RNF216: variants seen among roughly 807,000 people sequenced by gnomAD.
RNF216 encodes ring finger protein 216.
In RNF216, 72 loss-of-function variants were observed where a neutral mutation model predicts 110.8. The ratio of observed to expected loss-of-function variants is 0.65; its 90% CI spans 0.54 to 0.79. The LOEUF is 0.79. Among genes scored for constraint, RNF216 ranks in the 30% least tolerant of loss-of-function variants. RNF216 has a pLI of 0.00. For missense variants in RNF216, 1,342 were observed against 1,141.2 expected, an observed-to-expected ratio of 1.18 and a Z score of -2.54; for synonymous variants, 495 against 407.5, an observed-to-expected ratio of 1.21 and a Z score of -2.59.
intron 5 of RNF216, among the ~76,000 whole-genome samples, chr7:5,732,489 T>C (rs1794151161): frequency 6.6e-6 from 1 of 152,236 alleles, no homozygotes; most frequent in Non-Finnish European, 1.5e-5. Flanking sequence ...CTCTCCCCAA[T>C]TCATTTTATA....
At chr7:5,649,575 T>C (rs868727182) in intron 14 of RNF216, 8 of 151,898 alleles carry the variant, frequency 5.3e-5, no homozygotes, top group Admixed American at 3.3e-4. Context: ...AGAGGGGCTA[T>C]ATGATAAGGA....
chr7:5,635,964 T>C (rs967176223), intron 15 of RNF216, among the ~76,000 whole-genome samples: 3 of 152,236 alleles, frequency 2.0e-5, no homozygotes, highest in Non-Finnish European at 4.4e-5. Context: ...AAAGACACTG[T>C]AGAAAACAAT....
At chr7:5,779,304 G>A (rs1319042027) in intron 1 of RNF216, among the ~76,000 whole-genome samples, 4 of 152,080 alleles carry the variant, frequency 2.6e-5, no homozygotes, top group Non-Finnish European at 5.9e-5. Flanking sequence ...AGCTGCTGCT[G>A]CTCTAATCAG....
rs757300405 is a variant in RNF216 at position 5,641,340 on chromosome 7, G to A, written c.2196C>T (p.Cys732=). 3.7e-6 allele frequency: 6 copies of A among 1,614,136 alleles called. No individual in the cohort carries two copies. Among genetic ancestry groups the A allele is most frequent in the Non-Finnish European group, 4.2e-6 (5 of 1,180,010 alleles). ...TGATGAGGCCAGTCCCACACTTGTG[G>A]CATTTTCTAATGCGGGCAGCAGTCA... ...EKMTAARIRK[C]HKCGTGLIKS... The change falls in exon 15 of 17, where the codon TGC becomes TGT. Residue 732 remains cysteine (C), a synonymous_variant. Coordinates refer to ENST00000389902, the MANE Select transcript of RNF216 (RefSeq NM_207111.4).
intron 14 of RNF216, among the ~76,000 whole-genome samples, chr7:5,643,169 T>C (rs545607459): frequency 5.9e-5 from 9 of 152,284 alleles, no homozygotes; most frequent in South Asian, 2.1e-4. Context: ...CTATTCAATA[T>C]TGCTGAAATG....
At chr7:5,722,660 G>C (rs974811115) in intron 8 of RNF216, among the ~76,000 whole-genome samples, 4 of 151,922 alleles carry the variant, frequency 2.6e-5, no homozygotes, top group African/African-American at 9.6e-5. Flanking sequence ...AAAGTGCCAG[G>C]ATTACAGGCA....
intron 1 of RNF216, chr7:5,780,036 T>C (rs574181806): frequency 1.3e-5 from 2 of 152,178 alleles, no homozygotes; most frequent in African/African-American, 4.8e-5. Context: ...TGCCTGACTA[T>C]TGCAGGAAGA....
rs994724458 is a variant in RNF216 at position 5,715,281 on chromosome 7, A to C, written c.1696-91T>G. The C allele has an allele frequency of 4.8e-5, 64 of 1,335,798 alleles. No individual in the cohort carries two copies. In the African/African-American group the frequency reaches 8.3e-4, roughly 17 times the overall value. 82.7% of individuals were successfully genotyped at this position (1,335,798 alleles called of 1,614,324 possible). On this transcript the variant is annotated intron_variant, in intron 10 of 16. Coordinates refer to ENST00000389902, the MANE Select transcript of RNF216 (RefSeq NM_207111.4). ...CATCCTCATCTCTCTGCCACCCCCC[A>C]CACAAATTCTGAGGTAAAGCAACCC... is the stretch of plus-strand genomic sequence containing the variant.
intron 13 of RNF216, among the ~76,000 whole-genome samples, chr7:5,653,532 C>T (rs183300380): frequency 0.021 from 2,753 of 128,154 alleles, 77 homozygotes; most frequent in African/African-American, 0.074. Context: ...ACCCGGGAGG[C>T]GGAGCTTGCA....
At chr7:5,659,277 T>G (rs1451605754) in intron 13 of RNF216, among the ~76,000 whole-genome samples, 1 of 152,248 alleles carries the variant, frequency 6.6e-6, no homozygotes, top group Non-Finnish European at 1.5e-5. Context: ...AGGCTCAGTT[T>G]CTATCTTCAT....
chr7:5,712,405 G>T (rs191907312), intron 12 of RNF216, among the ~76,000 whole-genome samples: 1 of 151,902 alleles, frequency 6.6e-6, no homozygotes, highest in African/African-American at 2.4e-5. Context: ...CTCAGGAGGC[G>T]GAGGTTGTAG....
chr7:5,636,818 T>TTAGA (rs1787424585), intron 15 of RNF216, among the ~76,000 whole-genome samples: 1 of 152,182 alleles, frequency 6.6e-6, no homozygotes, highest in South Asian at 2.1e-4. Flanking sequence ...CTTTCTCAGG[T>TTAGA]TAGAAGATGA....
chr7:5,741,931 T>A, intron 3 of RNF216, 116 bp from the exon 4 acceptor site: 1 of 975,732 alleles, frequency 1.0e-6, no homozygotes, highest in Non-Finnish European at 1.5e-6. Context: ...CCATCTCCCT[T>A]AACAATACCT....
chr7:5,657,702 T>C (rs1788835463), intron 13 of RNF216, among the ~76,000 whole-genome samples: 2 of 152,144 alleles, frequency 1.3e-5, no homozygotes, highest in African/African-American at 2.4e-5. Flanking sequence ...GCCATCTGTG[T>C]CTTCTAGTTG....
intron 15 of RNF216, among the ~76,000 whole-genome samples, chr7:5,631,548 G>T (rs904291930): frequency 5.9e-5 from 9 of 152,100 alleles, no homozygotes; most frequent in African/African-American, 2.2e-4. Context: ...AGATTTCCTT[G>T]CCTGACATGT....
At chr7:5,731,350 T>A (rs1794077899) in intron 5 of RNF216, among the ~76,000 whole-genome samples, 1 of 152,276 alleles carries the variant, frequency 6.6e-6, no homozygotes, top group Non-Finnish European at 1.5e-5. Context: ...GCCATTGAGT[T>A]ACACGTGGTT....
At chr7:5,665,325 C>T (rs1789436248) in intron 13 of RNF216, among the ~76,000 whole-genome samples, 1 of 152,180 alleles carries the variant, frequency 6.6e-6, no homozygotes, top group African/African-American at 2.4e-5. Flanking sequence ...CCTCCCCCAC[C>T]TCACTCCCTA....
At chr7:5,766,777 T>C (rs1796230688) in intron 1 of RNF216, 1 of 152,176 alleles carries the variant, frequency 6.6e-6, no homozygotes, top group African/African-American at 2.4e-5. Flanking sequence ...TGAAACAGGG[T>C]CTTAATTTCA....
chr7:5,682,822 G>A (rs1790746216), intron 13 of RNF216, among the ~76,000 whole-genome samples: 1 of 152,118 alleles, frequency 6.6e-6, no homozygotes, highest in African/African-American at 2.4e-5. Flanking sequence ...GATTCTCTTG[G>A]AATCAAGAGT....
Sources: allele counts gnomAD v4.1 joint callset (sites outside exome capture counted in the v4.1 genomes callset), GRCh38; gene constraint gnomAD v4.1.1; transcripts MANE v1.5; gene names NCBI Gene and HGNC (gene_info 2026-07-23, HGNC 2026-07-21).